Variants in ARB2A observed in about 807,000 individuals in gnomAD.
ARB2A encodes cotranscriptional regulator ARB2A.
At chr5:93,772,536 C>T in the ARB2A span, among the ~76,000 whole-genome samples, 1 of 151,976 alleles carries the variant, frequency 6.6e-6, no homozygotes, top group African/African-American at 2.4e-5. Context: ...AACAAATAAC[C>T]CCAAAATTTG....
the ARB2A span, among the ~76,000 whole-genome samples, chr5:93,710,128 T>A: frequency 6.6e-6 from 1 of 152,214 alleles, no homozygotes; most frequent in Non-Finnish European, 1.5e-5. Context: ...TTATGCATTC[T>A]TTAATGAGCA....
the ARB2A span, among the ~76,000 whole-genome samples, chr5:93,883,234 T>C: frequency 1.3e-5 from 2 of 151,660 alleles, no homozygotes; most frequent in Admixed American, 6.6e-5. Context: ...TAAGATACAG[T>C]CATCTTACAT....
the ARB2A span, among the ~76,000 whole-genome samples, chr5:93,830,323 A>ATATG: frequency 2.3e-5 from 1 of 43,228 alleles, no homozygotes; most frequent in Admixed American, 2.8e-4. Context: ...ATATATATAT[A>ATATG]TATATATATA....
the ARB2A span, among the ~76,000 whole-genome samples, chr5:93,852,276 C>A: frequency 2.6e-5 from 4 of 151,976 alleles, no homozygotes; most frequent in African/African-American, 9.7e-5. Context: ...CTGTTCATAT[C>A]CTTTGCCCAC....
the ARB2A span, among the ~76,000 whole-genome samples, chr5:93,723,296 G>C: frequency 6.6e-6 from 1 of 152,144 alleles, no homozygotes; most frequent in African/African-American, 2.4e-5. Context: ...CTGACCTCTA[G>C]TCTGCTCTTT....
chr5:94,012,791 G>C, the ARB2A span, among the ~76,000 whole-genome samples: 5 of 152,162 alleles, frequency 3.3e-5, no homozygotes, highest in African/African-American at 1.2e-4. Context: ...CTATAACAAT[G>C]GGTTTTTGAG....
the ARB2A span, among the ~76,000 whole-genome samples, chr5:93,621,480 C>T: frequency 6.6e-6 from 1 of 152,248 alleles, no homozygotes; most frequent in African/African-American, 2.4e-5. Context: ...CCGGGGTCGT[C>T]CGAGGCGCGG....
chr5:93,816,188 G>A, the ARB2A span, among the ~76,000 whole-genome samples: 1 of 152,062 alleles, frequency 6.6e-6, no homozygotes, highest in Non-Finnish European at 1.5e-5. Flanking sequence ...AGATGTCTGA[G>A]GTGCACTGTG....
chr5:93,891,322 C>G, the ARB2A span, among the ~76,000 whole-genome samples: 1 of 151,988 alleles, frequency 6.6e-6, no homozygotes, highest in Non-Finnish European at 1.5e-5. Flanking sequence ...TTGCCCCCTC[C>G]TCCCTCAATA....
chr5:93,763,709 G>C, the ARB2A span, among the ~76,000 whole-genome samples: 1 of 152,082 alleles, frequency 6.6e-6, no homozygotes, highest in African/African-American at 2.4e-5. Flanking sequence ...AATAGACATT[G>C]ACAGAACTCT....
At chr5:93,887,788 T>G in the ARB2A span, among the ~76,000 whole-genome samples, 1 of 151,948 alleles carries the variant, frequency 6.6e-6, no homozygotes, top group Non-Finnish European at 1.5e-5. Flanking sequence ...CAGAATACTG[T>G]GCAAAATTAG....
the ARB2A span, among the ~76,000 whole-genome samples, chr5:94,086,709 C>G: frequency 6.6e-6 from 1 of 152,032 alleles, no homozygotes; most frequent in Non-Finnish European, 1.5e-5. Context: ...CCCGCCACCA[C>G]GCCTGGCTAA....
chr5:93,959,056 G>A, the ARB2A span: 1 of 795,992 alleles, frequency 1.3e-6, no homozygotes, highest in Middle Eastern at 3.8e-4. Flanking sequence ...CTGTTACAAA[G>A]TATTAAATGG....
chr5:93,741,620 G>C, the ARB2A span: 5 of 1,444,714 alleles, frequency 3.5e-6, no homozygotes, highest in South Asian at 5.9e-5. Flanking sequence ...CGAGGCTTCA[G>C]AACAGCCACC....
the ARB2A span, among the ~76,000 whole-genome samples, chr5:93,773,489 C>T: frequency 1.2e-3 from 179 of 152,300 alleles, no homozygotes; most frequent in African/African-American, 4.0e-3. Flanking sequence ...TCAGGCAGGA[C>T]GCTAATGGCC....
chr5:93,949,474 T>A, the ARB2A span, among the ~76,000 whole-genome samples: 1 of 151,914 alleles, frequency 6.6e-6, no homozygotes, highest in African/African-American at 2.4e-5. Context: ...GGCAGGAGAA[T>A]CGCTTGAACC....
the ARB2A span, among the ~76,000 whole-genome samples, chr5:93,679,026 G>A: frequency 5.3e-5 from 8 of 152,120 alleles, no homozygotes; most frequent in Non-Finnish European, 1.2e-4. Context: ...AACGTAAAAA[G>A]TGGAATATAA....
the ARB2A span, among the ~76,000 whole-genome samples, chr5:93,985,230 T>A: frequency 2.5e-4 from 38 of 152,368 alleles, no homozygotes; most frequent in Non-Finnish European, 5.0e-4. Flanking sequence ...CCCCTGTCAG[T>A]AATAGAGATT....
At chr5:94,019,807 A>C in the ARB2A span, among the ~76,000 whole-genome samples, 3 of 152,226 alleles carry the variant, frequency 2.0e-5, no homozygotes, top group East Asian at 5.8e-4. Flanking sequence ...ATTATAAATC[A>C]TTCTACTATA....
Sources: gnomAD v4.1 joint callset for allele counts (sites outside exome capture counted in the v4.1 genomes callset) on GRCh38, gnomAD v4.1.1 for gene constraint, MANE v1.5 for transcripts, NCBI Gene and HGNC (gene_info 2026-07-23, HGNC 2026-07-21) for gene names.